Variants in PRKG1 observed in about 807,000 individuals in gnomAD.
PRKG1 encodes protein kinase cGMP-dependent 1, also known as cGMP-dependent protein kinase 1.
A neutral mutation model predicts 88.1 loss-of-function variants in PRKG1; 35 were observed. The ratio of observed to expected loss-of-function variants is 0.40; its 90% CI spans 0.30 to 0.53. The LOEUF is 0.53. Among genes scored for constraint, PRKG1 ranks in the 20% least tolerant of loss-of-function variants. The pLI is 0.59. For missense variants in PRKG1, 540 were observed against 839.8 expected, an observed-to-expected ratio of 0.64 and a Z score of 4.41; for synonymous variants, 303 against 292.5, an observed-to-expected ratio of 1.04 and a Z score of -0.37.
chr10:51,536,786 G>A (rs546566948), intron 3 of PRKG1, among the ~76,000 whole-genome samples: 21 of 149,982 alleles, frequency 1.4e-4, no homozygotes, highest in Middle Eastern at 3.4e-3. Flanking sequence ...ATCTCCTAAC[G>A]CTATCCCTCA....
chr10:51,580,357 T>C (rs1396027920), intron 3 of PRKG1, among the ~76,000 whole-genome samples: 2 of 152,174 alleles, frequency 1.3e-5, no homozygotes, highest in Non-Finnish European at 2.9e-5. Flanking sequence ...ATTATTATTC[T>C]TGCATGGGAA....
rs769874464 is a variant in PRKG1, at chr10:52,029,689, C to T, written c.763-24795C>T. Among the ~76,000 whole-genome samples, 120 of 152,120 alleles carry T rather than the reference C, an allele frequency of 7.9e-4. 4 individuals carry two copies. The highest frequency in any genetic ancestry group is 4.4e-4 in the Non-Finnish European group (30 of 68,034). ...AATACTGGTCCCAGCTCTAGGTTAT[C>T]TAATTTAACATATTCAGGGAAAGGT... On this transcript the variant is annotated intron_variant, in intron 5 of 17. Coordinates refer to ENST00000373980, the MANE Select transcript of PRKG1 (RefSeq NM_006258.4).
chr10:51,038,987 A>T (rs988449658), intron 1 of PRKG1, among the ~76,000 whole-genome samples: 1 of 152,234 alleles, frequency 6.6e-6, no homozygotes, highest in Non-Finnish European at 1.5e-5. Flanking sequence ...TATATGCAAA[A>T]ACAGGCTTGA....
In PRKG1 at chr10:51,153,346, C is replaced by T; in HGVS notation, c.478+16C>T. ...GTCATGGAAGGTACGGTTTGTAACTCCAATCCTCTGACATTCAAATATTCT... is the reference window on the plus strand; with the variant it reads ...GTCATGGAAGGTACGGTTTGTAACTTCAATCCTCTGACATTCAAATATTCT... On this transcript the variant is annotated intron_variant, in intron 2 of 17. Transcript: ENST00000373980. 1 of 1,574,782 alleles carries T rather than the reference C, an allele frequency of 6.4e-7. No individual in the cohort carries two copies. The highest frequency in any genetic ancestry group is 8.6e-7 in the Non-Finnish European group (1 of 1,157,488).
chr10:51,977,353 C>T lies in PRKG1; in HGVS notation c.762+69783C>T, dbSNP rs561134940. ...CCATGGTGTATACGTACCACCTTTT[C>T]TTTTATCCAGTCTACCATTGATGGG... On this transcript the variant is annotated intron_variant, in intron 5 of 17. Transcript: ENST00000373980. Among the ~76,000 whole-genome samples the T allele has an allele frequency of 9.5e-4, 145 of 152,070 alleles. 1 individual carries two copies. Among genetic ancestry groups the T allele is most frequent in the African/African-American group, 3.4e-3 (142 of 41,532 alleles).
chr10:51,988,640 T>TTTC (rs1844224186), intron 5 of PRKG1, among the ~76,000 whole-genome samples: 1 of 152,008 alleles, frequency 6.6e-6, no homozygotes. Context: ...GCTATTCAGG[T>TTTC]TTCTTCTTCT....
chr10:51,509,288 T>C (rs1841321726), intron 3 of PRKG1, among the ~76,000 whole-genome samples: 1 of 152,192 alleles, frequency 6.6e-6, no homozygotes, highest in African/African-American at 2.4e-5. Flanking sequence ...CTTCAGCTGA[T>C]AAGACCTACC....
intron 3 of PRKG1, among the ~76,000 whole-genome samples, chr10:51,565,378 C>T (rs1837572689): frequency 6.6e-6 from 1 of 151,970 alleles, no homozygotes; most frequent in East Asian, 1.9e-4. Context: ...ACCCTAGCCC[C>T]TGCTGCTGTT....
At position 52,294,683 on chromosome 10, in the gene PRKG1, A is replaced by AT. The variant is rs887586350; in HGVS notation, c.*789dup. ...AAAGCAATTCACAAAACCATTTCAT[A>AT]TTTTTTAAAATATTGTGCTTAAAGA... On this transcript the variant is annotated 3_prime_UTR_variant, in exon 18 of 18. Coordinates refer to ENST00000373980, the MANE Select transcript of PRKG1 (RefSeq NM_006258.4). 2 of 152,490 alleles carry AT rather than the reference A, an allele frequency of 1.3e-5. No homozygotes were observed. Among genetic ancestry groups the AT allele is most frequent in the African/African-American group, 4.8e-5 (2 of 41,410 alleles). 9.4% of individuals were successfully genotyped at this position (152,490 alleles called of 1,614,324 possible).
At chr10:51,745,042 C>T (rs188161965) in intron 3 of PRKG1, among the ~76,000 whole-genome samples, 8 of 152,220 alleles carry the variant, frequency 5.3e-5, no homozygotes, top group South Asian at 2.1e-4. Flanking sequence ...GATCTTCATA[C>T]AATAATTGTA....
intron 5 of PRKG1, among the ~76,000 whole-genome samples, chr10:52,052,227 T>A (rs1030458175): frequency 2.0e-5 from 3 of 152,044 alleles, no homozygotes; most frequent in African/African-American, 7.2e-5. Flanking sequence ...GATTTTACCC[T>A]ATTCATCTTT....
At chr10:51,026,450 C>T (rs941014225) in intron 1 of PRKG1, among the ~76,000 whole-genome samples, 2 of 152,094 alleles carry the variant, frequency 1.3e-5, no homozygotes, top group African/African-American at 4.8e-5. Context: ...GATTTTAAAC[C>T]ACTCCCTTCA....
chr10:52,048,213 A>G lies in PRKG1; in HGVS notation c.763-6271A>G, dbSNP rs536992236. ...CTTAAGCATAACTCCAAACTTAAAT[A>G]TAGAGGAAATAATGATGTCATATTT... On this transcript the variant is annotated intron_variant, in intron 5 of 17. Coordinates refer to ENST00000373980, the MANE Select transcript of PRKG1 (RefSeq NM_006258.4). Among the ~76,000 whole-genome samples the G allele has an allele frequency of 5.3e-5, 8 of 152,204 alleles. 1 individual carries two copies. Among genetic ancestry groups the G allele is most frequent in the African/African-American group, 1.9e-4 (8 of 41,554 alleles).
At chr10:51,431,220 TG>T (rs1838761101) in intron 2 of PRKG1, among the ~76,000 whole-genome samples, 2 of 152,184 alleles carry the variant, frequency 1.3e-5, no homozygotes, top group Non-Finnish European at 2.9e-5. Context: ...TTTTAATTTA[TG>T]GAAGTGACAA....
intron 2 of PRKG1, among the ~76,000 whole-genome samples, chr10:51,209,092 A>G (rs1193067021): frequency 6.6e-6 from 1 of 152,202 alleles, no homozygotes; most frequent in Admixed American, 6.5e-5. Context: ...TAAGCCACCC[A>G]TGATATATTC....
At chr10:51,179,389 G>A (rs1025690403) in intron 2 of PRKG1, among the ~76,000 whole-genome samples, 4 of 152,226 alleles carry the variant, frequency 2.6e-5, no homozygotes, top group Non-Finnish European at 5.9e-5. Context: ...ATGATTTAGA[G>A]AAGGTTATAG....
intron 3 of PRKG1, among the ~76,000 whole-genome samples, chr10:51,684,965 A>G (rs1408038973): frequency 6.6e-6 from 1 of 152,178 alleles, no homozygotes; most frequent in South Asian, 2.1e-4. Context: ...CATTGCCTCT[A>G]TAATCCTAAA....
intron 3 of PRKG1, among the ~76,000 whole-genome samples, chr10:51,689,499 T>C (rs1841082771): frequency 6.6e-6 from 1 of 152,102 alleles, no homozygotes; most frequent in Non-Finnish European, 1.5e-5. Context: ...TCATCAAGTT[T>C]GGTGGGTGCA....
chr10:51,240,145 G>T (rs1431410315), intron 2 of PRKG1, among the ~76,000 whole-genome samples: 1 of 152,150 alleles, frequency 6.6e-6, no homozygotes, highest in East Asian at 1.9e-4. Context: ...AATATATTCT[G>T]CAGAATGAGT....
Sources: gnomAD v4.1 joint callset for allele counts (sites outside exome capture counted in the v4.1 genomes callset) on GRCh38, gnomAD v4.1.1 for gene constraint, MANE v1.5 for transcripts, NCBI Gene and HGNC (gene_info 2026-07-23, HGNC 2026-07-21) for gene names.